PPP2R5C: variants seen among roughly 807,000 people sequenced by gnomAD.
PPP2R5C encodes serine/threonine-protein phosphatase 2A 56 kDa regulatory subunit gamma isoform.
PPP2R5C carries 7 observed loss-of-function variants against 68.9 expected under a neutral mutation model. That is an observed-to-expected ratio of 0.10 (90% CI 0.06 to 0.19). The LOEUF is 0.19. Among genes scored for constraint, PPP2R5C ranks in the 10% least tolerant of loss-of-function variants. The pLI is 1.00. For synonymous variants in PPP2R5C, 210 were observed against 222.2 expected (o/e 0.95, Z 0.49); for missense variants, 348 against 641.3 (o/e 0.54, Z 4.94).
At chr14:101,858,533 G>GTTTTTTTTTATGAA (rs2042567469) in intron 2 of PPP2R5C, among the ~76,000 whole-genome samples, 1 of 150,860 alleles carries the variant, frequency 6.6e-6, no homozygotes, top group African/African-American at 2.4e-5. Context: ...TTATGATGTG[G>GTTTTTTTTTATGAA]GTTAGGGATA....
At chr14:101,852,963 G>C (rs577002264) in intron 1 of PPP2R5C, among the ~76,000 whole-genome samples, 1 of 152,232 alleles carries the variant, frequency 6.6e-6, no homozygotes, top group African/African-American at 2.4e-5. Context: ...AATGGGAAAA[G>C]CTAAAATGAT....
upstream of PPP2R5C, among the ~76,000 whole-genome samples, chr14:101,761,241 C>A (rs773925394): frequency 1.3e-5 from 2 of 152,226 alleles, no homozygotes; most frequent in South Asian, 4.1e-4. Flanking sequence ...CAAGAGGCCA[C>A]GGTTCGCGTT....
At chr14:101,889,949 G>T in intron 5 of PPP2R5C, 1 of 535,016 alleles carries the variant, frequency 1.9e-6, no homozygotes, top group South Asian at 1.5e-5. Flanking sequence ...GTTGAAATGG[G>T]TGTTCACTGT....
intron 13 of PPP2R5C, chr14:101,921,515 C>T (rs1166738340): frequency 6.6e-6 from 1 of 150,776 alleles, no homozygotes. Flanking sequence ...GAGCCAGACT[C>T]GGACTCTGAA....
chr14:101,919,743 A>G (rs959819658), intron 13 of PPP2R5C, among the ~76,000 whole-genome samples: 5 of 152,178 alleles, frequency 3.3e-5, no homozygotes, highest in African/African-American at 9.7e-5. Context: ...CGAGGCAGGC[A>G]GATCACCTGT....
Position 101,787,609 on chromosome 14 carries a change from AAAAC to A in PPP2R5C, c.259+1430_259+1433del, listed in dbSNP as rs1461229249. Among the ~76,000 whole-genome samples, 16 of 152,038 alleles carry A rather than the reference AAAAC, an allele frequency of 1.1e-4. No homozygotes were observed. In the East Asian group the frequency reaches 1.2e-3, roughly 11 times the overall value. ...AAACCCCGTCTCTACTAAAAATACA[AAAAC>A]AAAATTAGCCAGGCGTGGTGGCGGG... On this transcript the variant is annotated intron_variant, in intron 3 of 14. Coordinates refer to the PPP2R5C transcript ENST00000328724.
In PPP2R5C at chr14:101,894,466, T is replaced by C. The variant is rs1180563136; in HGVS notation, c.799-41T>C. ...TCTAGAAGAAGCACAGCAGCATTTTTATGTTGAAATGTTAATGCTCTTTCT... is the reference window on the plus strand; with the variant it reads ...TCTAGAAGAAGCACAGCAGCATTTTCATGTTGAAATGTTAATGCTCTTTCT... On this transcript the variant is annotated intron_variant, in intron 7 of 13. Coordinates refer to ENST00000334743, the Ensembl canonical transcript of PPP2R5C. The C allele has an allele frequency of 1.9e-6, 3 of 1,584,858 alleles. No homozygotes were observed. In the African/African-American group the frequency reaches 4.0e-5, roughly 21 times the overall value.
chr14:101,880,305 C>G (rs1677993), intron 2 of PPP2R5C, among the ~76,000 whole-genome samples: 15,294 of 152,232 alleles, frequency 0.1, 874 homozygotes, highest in South Asian at 0.13. Context: ...TTTTCAGCCC[C>G]TTTTTTCATC....
At chr14:101,829,334 T>C (rs2040594432) in intron 1 of PPP2R5C, among the ~76,000 whole-genome samples, 1 of 152,216 alleles carries the variant, frequency 6.6e-6, no homozygotes, top group South Asian at 2.1e-4. Context: ...TTTAACTCTT[T>C]TCTCTCCCTC....
intron 13 of PPP2R5C, among the ~76,000 whole-genome samples, chr14:101,923,680 A>G (rs1043796357): frequency 6.6e-6 from 1 of 152,226 alleles, no homozygotes; most frequent in Non-Finnish European, 1.5e-5. Context: ...TTAATATTCA[A>G]ATAACATTTC....
intron 1 of PPP2R5C, chr14:101,836,302 A>AG (rs2041096434): frequency 1.4e-6 from 1 of 702,800 alleles, no homozygotes; most frequent in East Asian, 2.7e-5. Flanking sequence ...GCATGGACGG[A>AG]GCTGCCAGCC....
intron 2 of PPP2R5C, among the ~76,000 whole-genome samples, chr14:101,858,366 A>G (rs182909827): frequency 6.6e-6 from 1 of 152,190 alleles, no homozygotes; most frequent in Non-Finnish European, 1.5e-5. Flanking sequence ...AGTTGTACAT[A>G]TTTATGGAGT....
chr14:101,800,069 G>GGCA, intron 3 of PPP2R5C, among the ~76,000 whole-genome samples: 1 of 152,294 alleles, frequency 6.6e-6, no homozygotes, highest in East Asian at 1.9e-4. Flanking sequence ...GACCAGCCTG[G>GGCA]ACAACCTTGT....
chr14:101,887,248 G>A (rs754412608), intron 5 of PPP2R5C, among the ~76,000 whole-genome samples: 4 of 152,226 alleles, frequency 2.6e-5, no homozygotes, highest in Non-Finnish European at 5.9e-5. Flanking sequence ...TGGGCGGGCA[G>A]GGCAGTGTGC....
chr14:101,911,420 C>T (rs1359922827), intron 11 of PPP2R5C, among the ~76,000 whole-genome samples: 1 of 152,226 alleles, frequency 6.6e-6, no homozygotes, highest in Non-Finnish European at 1.5e-5. Flanking sequence ...AGCCATTCCT[C>T]TAGAGCTGCC....
chr14:101,802,316 G>A (rs111283557), intron 3 of PPP2R5C, among the ~76,000 whole-genome samples: 1,990 of 152,254 alleles, frequency 0.013, 42 homozygotes, highest in African/African-American at 0.044. Context: ...GGAGGCTGAG[G>A]CAGGAGAATC....
At chr14:101,760,971 A>G (rs901926609), upstream of PPP2R5C, among the ~76,000 whole-genome samples, 1 of 70,218 alleles carries the variant, frequency 1.4e-5, no homozygotes, top group East Asian at 5.5e-4. Context: ...GGTCGAGGGG[A>G]GGGGAGGGGA....
At chr14:101,841,709 G>A (rs1329594935) in intron 1 of PPP2R5C, among the ~76,000 whole-genome samples, 1 of 152,154 alleles carries the variant, frequency 6.6e-6, no homozygotes, top group African/African-American at 2.4e-5. Context: ...GCAGAGGATC[G>A]GCCATGCTTC....
chr14:101,851,842 T>C (rs1435939981), intron 1 of PPP2R5C, among the ~76,000 whole-genome samples: 2 of 152,068 alleles, frequency 1.3e-5, no homozygotes, highest in Non-Finnish European at 2.9e-5. Context: ...CTATCCACAG[T>C]TTACATGATG....
Sources: gnomAD v4.1 joint callset for allele counts (sites outside exome capture counted in the v4.1 genomes callset) on GRCh38, gnomAD v4.1.1 for gene constraint, MANE v1.5 for transcripts, NCBI Gene and HGNC (gene_info 2026-07-23, HGNC 2026-07-21) for gene names.